The following GUCA2A variants were observed in gnomAD, a reference collection of about 807,000 sequenced individuals.
The protein encoded by GUCA2A is guanylin.
A neutral mutation model predicts 11.2 loss-of-function variants in GUCA2A; 17 were observed. The ratio of observed to expected loss-of-function variants is 1.52; its 90% CI spans 1.04 to 2.28. The LOEUF (loss-of-function observed/expected upper bound fraction) is 2.28. Ranked by LOEUF, GUCA2A falls within the 30% of genes most tolerant of loss-of-function variation. The probability of loss-of-function intolerance (pLI) is 0.00; values close to 1 mark genes in which losing one functional copy is unlikely to be tolerated. For synonymous variants in GUCA2A, 64 were observed against 57.1 expected (o/e 1.12, Z -0.54); for missense variants, 173 against 139.3 (o/e 1.24, Z -1.22).
chr1:42,163,366 C>T lies in GUCA2A; in HGVS notation c.283+37G>A, dbSNP rs2232225. On this transcript the variant is annotated intron_variant, in intron 2 of 2. Transcript: ENST00000357001. ...TCCTCAAGTGCCACCACAGTATTCC[C>T]GAACCCCACCAATCAGAGAGGAAGG... 13 of 1,360,584 alleles carry T rather than the reference C, an allele frequency of 9.6e-6. No individual in the cohort carries two copies. The Admixed American group carries it at 1.2e-4, about 13-fold the overall frequency. 84.3% of individuals were successfully genotyped at this position (1,360,584 alleles called of 1,614,324 possible).
Position 42,162,746 on chromosome 1 carries a change from G to T in GUCA2A, c.*160C>A, listed in dbSNP as rs1288961878. ...TGAAGTGGCAGGGAAGGACAGTGTT[G>T]GGGCGAGGCCTCCAGTCACCCAGTT... On this transcript the variant is annotated 3_prime_UTR_variant, in exon 3 of 3. Transcript: ENST00000357001. The T allele has an allele frequency of 9.4e-6, 6 of 636,472 alleles. No individual in the cohort carries two copies. Among genetic ancestry groups the T allele is most frequent in the Non-Finnish European group, 1.7e-5 (6 of 355,170 alleles). 39.4% of individuals were successfully genotyped at this position (636,472 alleles called of 1,614,324 possible).
intron 2 of GUCA2A, 50 bp downstream of exon 2, chr1:42,163,353 A>T: frequency 8.3e-7 from 1 of 1,201,614 alleles, no homozygotes; most frequent in Non-Finnish European, 1.2e-6. Flanking sequence ...CTCAAGTGCC[A>T]CCACAGTATT....
Position 42,163,504 on chromosome 1 carries a change from C to T in GUCA2A, c.182G>A (p.Gly61Asp), listed in dbSNP as rs1646139237. 1.2e-6 allele frequency: 2 copies of T among 1,613,506 alleles called. No individual in the cohort carries two copies. Among genetic ancestry groups the T allele is most frequent in the African/African-American group, 1.3e-5 (1 of 74,916 alleles). ...GKLRNFAPIPGEPVVPILCSN... is the reference protein window; with the variant it reads ...GKLRNFAPIPDEPVVPILCSN... ...ACAGAGGATGGGAACCACAGGTTCA[C>T]CAGGGATGGGTGCAAAGTTCCTGAG... is the stretch of plus-strand genomic sequence containing the variant. Residue 61 changes from glycine (G) to aspartate (D), a missense_variant, in exon 2 of 3, where the codon GGT becomes GAT. By Grantham distance (94) the Gly-to-Asp change is moderately conservative. Coordinates refer to ENST00000357001, the MANE Select transcript of GUCA2A (RefSeq NM_033553.3).
At position 42,162,971 on chromosome 1, in the gene GUCA2A, C is replaced by G. The variant is rs749883415; in HGVS notation, c.284-1G>C. 2 of 1,612,962 alleles carry G rather than the reference C, an allele frequency of 1.2e-6. No homozygotes were observed. The highest frequency in any genetic ancestry group is 1.7e-6 in the Non-Finnish European group (2 of 1,178,986). On this transcript the variant is annotated splice_acceptor_variant, in intron 2 of 2. Transcript: ENST00000357001. LOFTEE classifies it high-confidence loss of function. The stretch of plus-strand genomic sequence containing the variant: ...GTGCCCGGGTCCTCAGCGATTTCCT[C>G]TGCACAACAGAGATGGAGCCTCGTG...
In GUCA2A at chr1:42,163,502, C is replaced by T. The variant is rs561640992; in HGVS notation, c.184G>A (p.Glu62Lys). The change falls in exon 2 of 3, where the codon GAA (glutamate) becomes AAA (lysine). Residue 62 changes from glutamate to lysine, a missense_variant. Physicochemically the swap from Glu to Lys is moderately conservative, Grantham distance 56. Transcript: ENST00000357001. ...CTACAGAGGATGGGAACCACAGGTT[C>T]ACCAGGGATGGGTGCAAAGTTCCTG... is the stretch of plus-strand genomic sequence containing the variant. Reference protein sequence around the residue: ...KLRNFAPIPGEPVVPILCSNP... With the variant: ...KLRNFAPIPGKPVVPILCSNP... The T allele has an allele frequency of 2.5e-6, 4 of 1,613,666 alleles. No homozygotes were observed. Among genetic ancestry groups the T allele is most frequent in the African/African-American group, 2.7e-5 (2 of 75,036 alleles).
chr1:42,163,554 C>T lies in GUCA2A; in HGVS notation c.132G>A (p.Glu44=), dbSNP rs1262135766. ...GTTTCCCAACCCTGGGCTCCTGGGG[C>T]TCCTGGAGGTCTTTGAGCTTCTTCA... The part of the protein sequence containing the change: ...ESVKKLKDLQ[E]PQEPRVGKLR... The change falls in exon 2 of 3, where the codon GAG becomes GAA. Residue 44 remains glutamate, a synonymous_variant. Coordinates refer to ENST00000357001, the MANE Select transcript of GUCA2A (RefSeq NM_033553.3). The T allele has an allele frequency of 6.2e-7, 1 of 1,613,754 alleles. No individual in the cohort carries two copies. Among genetic ancestry groups the T allele is most frequent in the Non-Finnish European group, 8.5e-7 (1 of 1,179,778 alleles).
chr1:42,162,827 G>C lies in GUCA2A; in HGVS notation c.*79C>G. On this transcript the variant is annotated 3_prime_UTR_variant, in exon 3 of 3. Transcript: ENST00000357001. ...AGGGTAGGTTGAGCTGCTGGGAGTG[G>C]AGTATCATGGGTGGCCCTTTCTGCA... 1 of 1,153,318 alleles carries C rather than the reference G, an allele frequency of 8.7e-7. No homozygotes were observed. The highest frequency in any genetic ancestry group is 1.3e-6 in the Non-Finnish European group (1 of 762,046). The allele number at this position is 1,153,318 out of a possible 1,614,324, so 71.4% of individuals were successfully genotyped here. A position where few individuals can be genotyped will look rare whatever the true frequency, so the allele number is the denominator to read the frequency against.
chr1:42,164,656 T>C lies in GUCA2A; in HGVS notation c.57A>G (p.Ala19=), dbSNP rs1646144659. The C allele has an allele frequency of 1.3e-6, 2 of 1,549,876 alleles. No homozygotes were observed. Among genetic ancestry groups the C allele is most frequent in the African/African-American group, 1.4e-5 (1 of 73,052 alleles). The change falls in exon 1 of 3, where the codon GCA becomes GCG. Residue 19 remains alanine, a synonymous_variant. Transcript: ENST00000357001. ...LCLLGAWAAL[A]GGVTVQDGNF... ...GACTCACCTGCACGGTGACCCCTCC[T>C]GCCAAGGCGGCCCAGGCCCCAAGGA...
chr1:42,162,701 C>G lies in GUCA2A; in HGVS notation c.*205G>C. ...GGCAACACCCAGAGTACTCTGGAAT[C>G]TGGTTTATTAGCTGGGGGTTGAAGT... On this transcript the variant is annotated 3_prime_UTR_variant, in exon 3 of 3. Transcript: ENST00000357001. The G allele has an allele frequency of 1.7e-6, 1 of 593,650 alleles. No individual in the cohort carries two copies. The highest frequency in any genetic ancestry group is 2.0e-5 in the South Asian group (1 of 50,576). The allele number at this position is 593,650 out of a possible 1,614,324, so 36.8% of individuals were successfully genotyped here. A position where few individuals can be genotyped will look rare whatever the true frequency, so the allele number is the denominator to read the frequency against.
Position 42,163,014 on chromosome 1 carries a change from G to T in GUCA2A, c.284-44C>A, listed in dbSNP as rs371029867. 629 of 1,497,144 alleles carry T rather than the reference G, an allele frequency of 4.2e-4. 2 individuals carry two copies. The highest frequency in any genetic ancestry group is 1.5e-3 in the South Asian group (129 of 88,554). The allele number at this position is 1,497,144 out of a possible 1,614,324, so 92.7% of individuals were successfully genotyped here. ...GCCTCGTGAGAACCAGCATTTCCTC[G>T]CGAGGCCCCTGCCGCCCTTGGCCCA... On this transcript the variant is annotated intron_variant, in intron 2 of 2. Transcript: ENST00000357001.
In GUCA2A at chr1:42,163,493, C is replaced by T. The variant is rs1400320548; in HGVS notation, c.193G>A (p.Val65Ile). ...NFAPIPGEPV[V>I]PILCSNPNFP... ...TTCGGGTTGCTACAGAGGATGGGAACCACAGGTTCACCAGGGATGGGTGCA... is the reference window on the plus strand; with the variant it reads ...TTCGGGTTGCTACAGAGGATGGGAATCACAGGTTCACCAGGGATGGGTGCA... The change falls in exon 2 of 3, where the codon GTT becomes ATT. Residue 65 changes from valine (V) to isoleucine (I), a missense_variant. Coordinates refer to ENST00000357001, the MANE Select transcript of GUCA2A (RefSeq NM_033553.3). 6.2e-7 allele frequency: 1 copy of T among 1,613,666 alleles called. No homozygotes were observed. The highest frequency in any genetic ancestry group is 1.3e-5 in the African/African-American group (1 of 74,924).
intron 2 of GUCA2A, 87 bp from the exon 3 acceptor site, chr1:42,163,057 C>A: frequency 9.6e-7 from 1 of 1,042,550 alleles, no homozygotes; most frequent in Non-Finnish European, 1.5e-6. Flanking sequence ...TACGTCACCA[C>A]CCAGCCCCAG....
At chr1:42,163,675 G>A (rs2071500) in intron 1 of GUCA2A, 65 bp from the exon 2 acceptor site, 85,358 of 1,131,128 alleles carry the variant, frequency 0.075, 6,181 homozygotes, top group East Asian at 0.36. Flanking sequence ...TGCCCCCCGT[G>A]CTGGCCCCGG....
chr1:42,164,378 A>C (rs1646143446), intron 1 of GUCA2A, among the ~76,000 whole-genome samples: 2 of 152,244 alleles, frequency 1.3e-5, no homozygotes, highest in South Asian at 4.1e-4. Flanking sequence ...GAGCCGGCAC[A>C]TAGGACACTC....
intron 1 of GUCA2A, among the ~76,000 whole-genome samples, chr1:42,163,846 T>A (rs1375333034): frequency 1.3e-5 from 2 of 152,190 alleles, no homozygotes; most frequent in Non-Finnish European, 2.9e-5. Context: ...GTATGGGGAA[T>A]GGAGAAAATG....
intron 1 of GUCA2A, 56 bp from the exon 2 acceptor site, chr1:42,163,666 G>GC (rs1189339443): frequency 2.4e-6 from 3 of 1,261,222 alleles, no homozygotes; most frequent in South Asian, 1.3e-5. Context: ...TCCTGGCTGT[G>GC]CCCCCCGTGC....
Position 42,162,723 on chromosome 1 carries a change from A to G in GUCA2A, c.*183T>C, listed in dbSNP as rs543774063. The G allele has an allele frequency of 4.3e-4, 260 of 603,998 alleles. 2 individuals are homozygous for G. Among genetic ancestry groups the G allele is most frequent in the Middle Eastern group, 4.2e-3 (10 of 2,384 alleles). The allele number at this position is 603,998 out of a possible 1,614,324, so 37.4% of individuals were successfully genotyped here. A position where few individuals can be genotyped will look rare whatever the true frequency, so the allele number is the denominator to read the frequency against. On this transcript the variant is annotated 3_prime_UTR_variant, in exon 3 of 3. Coordinates refer to ENST00000357001, the MANE Select transcript of GUCA2A (RefSeq NM_033553.3). ...AATCTGGTTTATTAGCTGGGGGTTGAAGTGGCAGGGAAGGACAGTGTTGGG... is the reference window on the plus strand; with the variant it reads ...AATCTGGTTTATTAGCTGGGGGTTGGAGTGGCAGGGAAGGACAGTGTTGGG...
Position 42,162,904 on chromosome 1 carries a change from C to T in GUCA2A, c.*2G>A, listed in dbSNP as rs140969935. 1,820 of 1,612,202 alleles carry T rather than the reference C, an allele frequency of 1.1e-3. 26 individuals carry two copies. The African/African-American group carries it at 0.022, about 19-fold the overall frequency. On this transcript the variant is annotated 3_prime_UTR_variant, in exon 3 of 3. Transcript: ENST00000357001. Reference sequence around the variant, plus strand: ...GGGGAGGCAGGCAGTGGGCAAGCCCCCCTAGCATCCGGTACAGGCAGCGTA... The same window carrying T: ...GGGGAGGCAGGCAGTGGGCAAGCCCTCCTAGCATCCGGTACAGGCAGCGTA...
intron 2 of GUCA2A, 95 bp downstream of exon 2, chr1:42,163,308 T>C: frequency 1.2e-6 from 1 of 814,876 alleles, no homozygotes; most frequent in Admixed American, 2.3e-5. Flanking sequence ...GCTGAGCCCT[T>C]CCTCCAAATC....
Sources: allele counts gnomAD v4.1 joint callset (sites outside exome capture counted in the v4.1 genomes callset), GRCh38; gene constraint gnomAD v4.1.1; transcripts MANE v1.5; gene names NCBI Gene and HGNC (gene_info 2026-07-23, HGNC 2026-07-21).